NOP53: variants seen among roughly 807,000 people sequenced by gnomAD.
NOP53 encodes the protein NOP53 ribosome biogenesis factor.
Under a neutral mutation model 61.0 loss-of-function variants are expected in NOP53, and 40 were observed. The ratio of observed to expected loss-of-function variants is 0.66; its 90% CI spans 0.51 to 0.85. NOP53 has a LOEUF of 0.85. Among genes scored for constraint, NOP53 ranks in the 40% least tolerant of loss-of-function variants. The probability of loss-of-function intolerance (pLI) is 0.00; values close to 1 mark genes in which losing one functional copy is unlikely to be tolerated. For synonymous variants in NOP53, 308 were observed against 289.5 expected, an observed-to-expected ratio of 1.06 and a Z score of -0.65; for missense variants, 689 against 652.9, an observed-to-expected ratio of 1.06 and a Z score of -0.60.
In NOP53 at chr19:47,754,361, C is replaced by T. The variant is rs1967160511; in HGVS notation, c.766-166C>T. 3.2e-6 allele frequency: 2 copies of T among 624,686 alleles called. No individual in the cohort carries two copies. Among genetic ancestry groups the T allele is most frequent in the Non-Finnish European group, 5.8e-6 (2 of 342,788 alleles). 38.7% of individuals were successfully genotyped at this position (624,686 alleles called of 1,614,324 possible). A position where few individuals can be genotyped will look rare whatever the true frequency, so the allele number is the denominator to read the frequency against. ...TGAGGGCGAGGGTTTGAGGTGCCCT[C>T]TGGCTCTGTGCAGGGTGGGTGTGCT... On this transcript the variant is annotated intron_variant, in intron 6 of 12. Transcript: ENST00000246802. The surrounding 1 kb of genome is among the most constrained non-coding windows in gnomAD (Gnocchi z 4.2).
chr19:47,754,590 C>G lies in NOP53; in HGVS notation c.829C>G (p.Arg277Gly). Residue 277 changes from arginine (R) to glycine (G), a missense_variant, in exon 7 of 13, where the codon CGG (arginine) becomes GGG (glycine). Transcript: ENST00000246802. This position sits in a 1 kb window ranked among gnomAD's most constrained non-coding sequence, Gnocchi z 4.2. ...QRQKEAEKLE[R>G]QLALPATEQA... ...GCAGAAGGAGGCGGAGAAGCTGGAG[C>G]GGCAGCTGGCCCTGCCCGCCACGGA... is the stretch of plus-strand genomic sequence containing the variant. 1 of 1,550,624 alleles carries G rather than the reference C, an allele frequency of 6.4e-7. No homozygotes were observed. The highest frequency in any genetic ancestry group is 8.7e-7 in the Non-Finnish European group (1 of 1,148,312).
In NOP53 at chr19:47,751,006, G is replaced by A. The variant is rs752084705; in HGVS notation, c.497G>A (p.Arg166His). Residue 166 changes from arginine to histidine, a missense_variant, in exon 4 of 13, where the codon CGC (arginine) becomes CAC (histidine). By Grantham distance (29) the Arg-to-His change is conservative. Coordinates refer to ENST00000246802, the MANE Select transcript of NOP53 (RefSeq NM_015710.5). ...AKQGELPREV[R>H]RAQARLLNPS... ...CAGGGCGAGCTGCCCCGGGAGGTGC[G>A]CAGGGCCCAGGCCCGGCTCCTCAAC... is the stretch of plus-strand genomic sequence containing the variant. 17 of 1,595,992 alleles carry A rather than the reference G, an allele frequency of 1.1e-5. No homozygotes were observed. The highest frequency in any genetic ancestry group is 8.9e-5 in the Admixed American group (5 of 56,472).
At position 47,752,617 on chromosome 19, in the gene NOP53, C is replaced by T; in HGVS notation, c.765+10C>T. On this transcript the variant is annotated intron_variant, in intron 6 of 12. Transcript: ENST00000246802. ...CTTTGAAGACCACCAGGTACACTGC[C>T]CCGTCCAGGCCTCCCTCCTCAGTGG... 1 of 1,509,538 alleles carries T rather than the reference C, an allele frequency of 6.6e-7. No individual in the cohort carries two copies. The allele number at this position is 1,509,538 out of a possible 1,614,324, so 93.5% of individuals were successfully genotyped here. A position where few individuals can be genotyped will look rare whatever the true frequency, so the allele number is the denominator to read the frequency against.
Position 47,752,574 on chromosome 19 carries a change from A to C in NOP53, c.732A>C (p.Gly244=). 1 of 1,610,938 alleles carries C rather than the reference A, an allele frequency of 6.2e-7. No homozygotes were observed. Among genetic ancestry groups the C allele is most frequent in the East Asian group, 2.2e-5 (1 of 44,860 alleles). Residue 244 remains glycine (G), a synonymous_variant, in exon 6 of 13, where the codon GGA becomes GGC. Transcript: ENST00000246802. ...CCGCCGTGGAGGTGGCGCCTGCCGG[A>C]GCTTCCTACAATCCATCCTTTGAAG... is the stretch of plus-strand genomic sequence containing the variant. ...QAPAVEVAPA[G]ASYNPSFEDH... is the part of the protein sequence containing the mutation.
chr19:47,754,390 A>T lies in NOP53; in HGVS notation c.766-137A>T. On this transcript the variant is annotated intron_variant, in intron 6 of 12. Coordinates refer to ENST00000246802, the MANE Select transcript of NOP53 (RefSeq NM_015710.5). The surrounding 1 kb of genome is among the most constrained non-coding windows in gnomAD (Gnocchi z 4.2). ...CTCTGTGCAGGGTGGGTGTGCTGGT[A>T]GACGGGGTGTGGGGAGGAAAGCCTG... 1.5e-6 allele frequency: 1 copy of T among 686,374 alleles called. No individual in the cohort carries two copies. Among genetic ancestry groups the T allele is most frequent in the Non-Finnish European group, 2.6e-6 (1 of 383,472 alleles). 42.5% of individuals were successfully genotyped at this position (686,374 alleles called of 1,614,324 possible).
At chr19:47,751,383 C>T (rs1967122975) in intron 4 of NOP53, 137 bp from the exon 5 acceptor site, 1 of 705,732 alleles carries the variant, frequency 1.4e-6, no homozygotes, top group Non-Finnish European at 2.5e-6. Context: ...GATCAAGGCC[C>T]TTGGGGTCTA....
At chr19:47,755,997 C>A in intron 10 of NOP53, 175 bp downstream of exon 10, 1 of 603,638 alleles carries the variant, frequency 1.7e-6, no homozygotes, top group Non-Finnish European at 3.0e-6. Flanking sequence ...GGTGAGGGGC[C>A]AGGCTAAGGT....
chr19:47,755,905 G>A (rs1430652697), intron 10 of NOP53, 83 bp downstream of exon 10: 6 of 1,185,496 alleles, frequency 5.1e-6, no homozygotes, highest in East Asian at 2.4e-5. Flanking sequence ...GGCTATGGGC[G>A]ACACCATGGC....
chr19:47,747,452 G>A (rs1165619389), intron 2 of NOP53, among the ~76,000 whole-genome samples: 1 of 151,994 alleles, frequency 6.6e-6, no homozygotes, highest in African/African-American at 2.4e-5. Context: ...GACCAGCCTG[G>A]CCAAGATGGT....
At chr19:47,755,306 G>T (rs1041017066) in intron 8 of NOP53, 42 bp from the exon 9 acceptor site, 1 of 1,341,042 alleles carries the variant, frequency 7.5e-7, no homozygotes, top group Non-Finnish European at 9.8e-7. Flanking sequence ...TCCCTGTGTG[G>T]GCAGCACCGG....
rs1366925467 is a variant in NOP53 at position 47,750,248 on chromosome 19, C to T, written c.360C>T (p.Leu120=). 3 of 1,611,356 alleles carry T rather than the reference C, an allele frequency of 1.9e-6. No homozygotes were observed. The highest frequency in any genetic ancestry group is 2.5e-6 in the Non-Finnish European group (3 of 1,177,558). ...LLLKKPLRVD[L]ILENTSKVPA... ...TCAAGAAACCCCTTCGGGTTGACCT[C>T]ATCCTCGAGAACACATCCAAAGTCC... The change falls in exon 3 of 13, where the codon CTC becomes CTT. Residue 120 remains leucine, a synonymous_variant. Coordinates refer to ENST00000246802, the MANE Select transcript of NOP53 (RefSeq NM_015710.5).
chr19:47,751,749 A>G (rs1160006668), intron 5 of NOP53, among the ~76,000 whole-genome samples, 159 bp downstream of exon 5: 4 of 152,168 alleles, frequency 2.6e-5, no homozygotes, highest in African/African-American at 9.6e-5. Flanking sequence ...TCCCAGCTCC[A>G]GTGCTGACTG....
rs1218015016 is a variant in NOP53 at position 47,755,404 on chromosome 19, G to T, written c.1110G>T (p.Arg370=). The stretch of plus-strand genomic sequence containing the variant: ...GGCTCCGGCACCAGGAGCTGTTCCG[G>T]CTGCGCGGGATCAAGGCCCAGGTGG... ...AARLRHQELF[R]LRGIKAQVAL... is the part of the protein sequence containing the mutation. Residue 370 remains arginine (R), a synonymous_variant, in exon 9 of 13, where the codon CGG becomes CGT. Transcript: ENST00000246802. 3 of 1,533,192 alleles carry T rather than the reference G, an allele frequency of 2.0e-6. No individual in the cohort carries two copies. The South Asian group carries it at 3.6e-5, about 18-fold the overall frequency. The allele number at this position is 1,533,192 out of a possible 1,614,324, so 95.0% of individuals were successfully genotyped here. A position where few individuals can be genotyped will look rare whatever the true frequency, so the allele number is the denominator to read the frequency against.
In NOP53 at chr19:47,751,139, G is replaced by A. The variant is rs1433182278; in HGVS notation, c.598+32G>A. Reference sequence around the variant, plus strand: ...GATCCTGCTGTCACCTATGAATGGGGACAGGACGGCCATGTGCAGTTTGTG... The same window carrying A: ...GATCCTGCTGTCACCTATGAATGGGAACAGGACGGCCATGTGCAGTTTGTG... On this transcript the variant is annotated intron_variant, in intron 4 of 12. Coordinates refer to ENST00000246802, the MANE Select transcript of NOP53 (RefSeq NM_015710.5). 6 of 1,554,126 alleles carry A rather than the reference G, an allele frequency of 3.9e-6. No individual in the cohort carries two copies. In the South Asian group the frequency reaches 5.8e-5, roughly 15 times the overall value.
intron 9 of NOP53, 81 bp from the exon 10 acceptor site, chr19:47,755,672 CCTT>C (rs1967186751): frequency 8.6e-6 from 12 of 1,395,684 alleles, no homozygotes; most frequent in Admixed American, 4.1e-5. Flanking sequence ...CTCAGAGGCC[CCTT>C]CTTCTCCAGG....
In NOP53 at chr19:47,745,620, G is replaced by T; in HGVS notation, c.61G>T (p.Gly21Cys). 4 of 1,614,102 alleles carry T rather than the reference G, an allele frequency of 2.5e-6. No individual in the cohort carries two copies. Among genetic ancestry groups the T allele is most frequent in the Non-Finnish European group, 3.4e-6 (4 of 1,180,008 alleles). Residue 21 changes from glycine (G) to cysteine (C), a missense_variant, in exon 1 of 13, where the codon GGT (glycine) becomes TGT (cysteine). Coordinates refer to ENST00000246802, the MANE Select transcript of NOP53 (RefSeq NM_015710.5). ...CAGCTCGAAAAGCGATGCCGATTCT[G>T]GTTTCCTGGGGCTGCGGCCCACTTC... The part of the protein sequence containing the change: ...KRSSKSDADS[G>C]FLGLRPTSVD...
chr19:47,750,259 A>G lies in NOP53; in HGVS notation c.371A>G (p.Asn124Ser). 1.2e-6 allele frequency: 2 copies of G among 1,607,958 alleles called. No individual in the cohort carries two copies. The highest frequency in any genetic ancestry group is 1.7e-5 in the Admixed American group (1 of 60,004). The change falls in exon 3 of 13, where the codon AAC (asparagine) becomes AGC (serine). Residue 124 changes from asparagine to serine, a missense_variant. Transcript: ENST00000246802. ...CTTCGGGTTGACCTCATCCTCGAGAACACATCCAAAGTCCCTGCCCCCAAA... is the reference window on the plus strand; with the variant it reads ...CTTCGGGTTGACCTCATCCTCGAGAGCACATCCAAAGTCCCTGCCCCCAAA... Reference protein sequence around the residue: ...KPLRVDLILENTSKVPAPKDV... With the variant: ...KPLRVDLILESTSKVPAPKDV...
At chr19:47,747,064 G>C in intron 2 of NOP53, 33 bp downstream of exon 2, 1 of 1,497,442 alleles carries the variant, frequency 6.7e-7, no homozygotes, top group Non-Finnish European at 9.3e-7. Flanking sequence ...TGGAATGGCG[G>C]TTATTCATTG....
chr19:47,749,397 A>G (rs1282503894), intron 2 of NOP53, among the ~76,000 whole-genome samples: 1 of 152,154 alleles, frequency 6.6e-6, no homozygotes, highest in Non-Finnish European at 1.5e-5. Flanking sequence ...GTGAGCAGTC[A>G]ACCAGGTCAG....
Sources: allele counts gnomAD v4.1 joint callset (sites outside exome capture counted in the v4.1 genomes callset), GRCh38; gene constraint gnomAD v4.1.1; non-coding constraint Gnocchi (gnomAD v3.1); transcripts MANE v1.5; gene names NCBI Gene and HGNC (gene_info 2026-07-23, HGNC 2026-07-21).